The following TBC1D19 variants were observed in gnomAD, a reference collection of about 807,000 sequenced individuals.
TBC1D19 encodes TBC1 domain family member 19.
A neutral mutation model predicts 89.0 loss-of-function variants in TBC1D19; 60 were observed. The observed-to-expected ratio is 0.67, with a 90% CI of 0.55 to 0.84. The LOEUF is 0.84. TBC1D19 is among the 40% of genes least tolerant of loss of function. The probability of loss-of-function intolerance (pLI) is 0.00; values close to 1 mark genes in which losing one functional copy is unlikely to be tolerated. For missense variants in TBC1D19, 500 were observed against 610.8 expected, an observed-to-expected ratio of 0.82 and a Z score of 1.91; for synonymous variants, 189 against 199.7, an observed-to-expected ratio of 0.95 and a Z score of 0.45.
chr4:26,686,774 C>T (rs1713848180), intron 12 of TBC1D19, among the ~76,000 whole-genome samples: 1 of 152,078 alleles, frequency 6.6e-6, no homozygotes, highest in African/African-American at 2.4e-5. Context: ...TTTCTTTCTC[C>T]TTAATCTGTG....
chr4:26,799,011 T>C, the TBC1D19 span, among the ~76,000 whole-genome samples: 9 of 152,216 alleles, frequency 5.9e-5, no homozygotes, highest in Non-Finnish European at 1.0e-4. Flanking sequence ...CATGCACATA[T>C]AACCCCTGAA....
At chr4:26,837,698 CA>C in the TBC1D19 span, among the ~76,000 whole-genome samples, 3 of 152,006 alleles carry the variant, frequency 2.0e-5, no homozygotes, top group Non-Finnish European at 4.4e-5. Context: ...ATGGAGGAGA[CA>C]AGCAAAAACA....
At chr4:26,653,131 T>TAGTC (rs1439614428) in intron 7 of TBC1D19, among the ~76,000 whole-genome samples, 1 of 152,220 alleles carries the variant, frequency 6.6e-6, no homozygotes, top group Non-Finnish European at 1.5e-5. Context: ...ATGTACCCAG[T>TAGTC]AGTCACTCAG....
the TBC1D19 span, among the ~76,000 whole-genome samples, chr4:26,829,542 G>A: frequency 6.6e-6 from 1 of 152,152 alleles, no homozygotes; most frequent in Admixed American, 6.5e-5. Context: ...TGTTAGGGAG[G>A]AAAGGAAGCT....
chr4:26,649,440 T>C (rs1002784018), intron 7 of TBC1D19, among the ~76,000 whole-genome samples: 10 of 152,282 alleles, frequency 6.6e-5, no homozygotes, highest in African/African-American at 2.4e-4. Context: ...ATTTACAGAA[T>C]TGTGCAACAT....
intron 12 of TBC1D19, among the ~76,000 whole-genome samples, chr4:26,685,269 C>A (rs1713710106): frequency 6.6e-6 from 1 of 152,210 alleles, no homozygotes; most frequent in Non-Finnish European, 1.5e-5. Flanking sequence ...GTGCCTCTCT[C>A]AAGAGGAAGC....
chr4:26,763,362 C>T, the TBC1D19 span, among the ~76,000 whole-genome samples: 1 of 152,180 alleles, frequency 6.6e-6, no homozygotes, highest in African/African-American at 2.4e-5. Flanking sequence ...CATTTTACAG[C>T]CTGTTCTCCC....
chr4:26,675,155 A>G (rs926812926), intron 11 of TBC1D19, among the ~76,000 whole-genome samples: 49 of 152,212 alleles, frequency 3.2e-4, no homozygotes, highest in African/African-American at 1.1e-3. Flanking sequence ...GTAGAAGAAG[A>G]TACAACTCTT....
chr4:26,673,440 T>TAC (rs1186152445), intron 10 of TBC1D19, among the ~76,000 whole-genome samples: 2 of 16,586 alleles, frequency 1.2e-4, no homozygotes, highest in Non-Finnish European at 3.2e-4. Context: ...TATATATATA[T>TAC]ATATATACAC....
chr4:26,739,352 A>G (rs977332017), intron 16 of TBC1D19, among the ~76,000 whole-genome samples: 10 of 152,300 alleles, frequency 6.6e-5, no homozygotes, highest in Admixed American at 3.3e-4. Context: ...GTATACAGCT[A>G]TTACTCAAAA....
At chr4:26,805,883 G>T in the TBC1D19 span, among the ~76,000 whole-genome samples, 4 of 152,068 alleles carry the variant, frequency 2.6e-5, no homozygotes, top group Non-Finnish European at 5.9e-5. Context: ...CAGGAAAATC[G>T]GTTGAACCTG....
In TBC1D19 at chr4:26,664,093, G is replaced by A. The variant is rs894497440; in HGVS notation, c.592-2240G>A. Among the ~76,000 whole-genome samples the A allele has an allele frequency of 2.0e-5, 3 of 152,288 alleles. No individual in the cohort carries two copies. In the South Asian group the frequency reaches 6.2e-4, roughly 32 times the overall value. On this transcript the variant is annotated intron_variant, in intron 8 of 20. Transcript: ENST00000264866. ...AAGCAGAGTGCAAATGTGTGTAAGA[G>A]ACAGTGCTTGTCTTCCAAGAGCTGC...
intron 3 of TBC1D19, among the ~76,000 whole-genome samples, chr4:26,616,698 A>G (rs185847533): frequency 1.3e-5 from 2 of 152,280 alleles, no homozygotes; most frequent in South Asian, 2.1e-4. Context: ...AAGCATTACA[A>G]AGATTTTAGT....
rs372495296 is a variant in TBC1D19 at position 26,745,234 on chromosome 4, G to A, written c.1319+2635G>A. Among the ~76,000 whole-genome samples, 145 of 151,208 alleles carry A rather than the reference G, an allele frequency of 9.6e-4. 1 individual carries two copies. The highest frequency in any genetic ancestry group is 7.6e-3 in the East Asian group (39 of 5,156). ...TCTTTTTTTAAGTGGATTTCTTATC[G>A]AAAGTTGGGTCTTCCTATGTGGCAG... is the stretch of plus-strand genomic sequence containing the variant. On this transcript the variant is annotated intron_variant, in intron 18 of 20. Coordinates refer to ENST00000264866, the MANE Select transcript of TBC1D19 (RefSeq NM_018317.4).
intron 3 of TBC1D19, among the ~76,000 whole-genome samples, chr4:26,618,316 A>G (rs769363462): frequency 1.1e-4 from 16 of 152,224 alleles, no homozygotes; most frequent in Non-Finnish European, 1.5e-5. Flanking sequence ...ATGGTGGCTT[A>G]CCAAAGGAAG....
the TBC1D19 span, among the ~76,000 whole-genome samples, chr4:26,837,443 CT>C: frequency 5.3e-5 from 8 of 152,146 alleles, no homozygotes; most frequent in African/African-American, 1.9e-4. Flanking sequence ...AATTTTCCCC[CT>C]GTTTAACTGG....
At chr4:26,627,467 T>C (rs1742496535) in intron 4 of TBC1D19, among the ~76,000 whole-genome samples, 1 of 152,140 alleles carries the variant, frequency 6.6e-6, no homozygotes, top group Non-Finnish European at 1.5e-5. Context: ...ATCGCCACAC[T>C]GACTTCCACA....
chr4:26,696,809 A>G (rs1323112592), intron 13 of TBC1D19, among the ~76,000 whole-genome samples: 2 of 152,236 alleles, frequency 1.3e-5, no homozygotes, highest in African/African-American at 4.8e-5. Flanking sequence ...TTTGAAACCA[A>G]TGAGAACAAA....
At chr4:26,776,413 C>A in the TBC1D19 span, among the ~76,000 whole-genome samples, 1 of 152,134 alleles carries the variant, frequency 6.6e-6, no homozygotes, top group Admixed American at 6.6e-5. Flanking sequence ...AAAACTCACC[C>A]CAACAGAAGA....
Sources: allele counts gnomAD v4.1 joint callset (sites outside exome capture counted in the v4.1 genomes callset), GRCh38; gene constraint gnomAD v4.1.1; transcripts MANE v1.5; gene names NCBI Gene and HGNC (gene_info 2026-07-23, HGNC 2026-07-21).